Variants in TXNDC11 observed in about 807,000 individuals in gnomAD.
The protein encoded by TXNDC11 is thioredoxin domain-containing protein 11.
Under a neutral mutation model 78.0 loss-of-function variants are expected in TXNDC11, and 68 were observed. The observed-to-expected ratio is 0.87, with a 90% confidence interval of 0.72 to 1.07. TXNDC11 has a LOEUF of 1.07. Ranked by LOEUF, TXNDC11 falls within the 50% of genes least tolerant of loss-of-function variation. The pLI, the probability that TXNDC11 is intolerant of heterozygous loss-of-function variation, is 0.00. For synonymous variants in TXNDC11, 571 were observed against 495.2 expected (o/e 1.15, Z -2.03); for missense variants, 1,389 against 1,221.8 (o/e 1.14, Z -2.04).
chr16:11,726,349 G>T (rs901024867), intron 4 of TXNDC11, among the ~76,000 whole-genome samples: 1 of 152,066 alleles, frequency 6.6e-6, no homozygotes, highest in Admixed American at 6.6e-5. Context: ...TTGGGAGGCC[G>T]AGGCAGGCAG....
At chr16:11,731,675 G>A (rs2141113528) in intron 3 of TXNDC11, among the ~76,000 whole-genome samples, 1 of 149,180 alleles carries the variant, frequency 6.7e-6, no homozygotes, top group South Asian at 2.1e-4. Context: ...CATAATACAT[G>A]GTTACAGAAA....
intron 5 of TXNDC11, among the ~76,000 whole-genome samples, chr16:11,704,864 G>A (rs1040288058): frequency 6.6e-6 from 1 of 151,834 alleles, no homozygotes; most frequent in East Asian, 1.9e-4. Context: ...ATTCAAATGA[G>A]GTCTGCAGTT....
intron 6 of TXNDC11, among the ~76,000 whole-genome samples, chr16:11,699,118 G>C (rs1394934268): frequency 6.6e-6 from 1 of 152,158 alleles, no homozygotes; most frequent in African/African-American, 2.4e-5. Flanking sequence ...GATTTAAATT[G>C]ACTCATAACA....
At chr16:11,733,332 G>A (rs1023100210) in intron 3 of TXNDC11, among the ~76,000 whole-genome samples, 9 of 151,906 alleles carry the variant, frequency 5.9e-5, no homozygotes, top group Non-Finnish European at 1.3e-4. Context: ...TTAGAATTGT[G>A]GACATGGGCG....
intron 1 of TXNDC11, among the ~76,000 whole-genome samples, chr16:11,737,527 C>T (rs904214511): frequency 6.6e-6 from 1 of 151,046 alleles, no homozygotes; most frequent in Non-Finnish European, 1.5e-5. Flanking sequence ...ACAAGGAGCA[C>T]GAAGGTAGAC....
intron 11 of TXNDC11, among the ~76,000 whole-genome samples, chr16:11,682,527 C>G (rs561990741): frequency 6.6e-6 from 1 of 152,178 alleles, no homozygotes; most frequent in Non-Finnish European, 1.5e-5. Flanking sequence ...CCACCTGTTC[C>G]GCCTGTGTCT....
intron 7 of TXNDC11, among the ~76,000 whole-genome samples, chr16:11,696,839 G>A (rs1474943897): frequency 6.6e-6 from 1 of 152,162 alleles, no homozygotes; most frequent in East Asian, 1.9e-4. Flanking sequence ...CAACCCTCTG[G>A]GCAGAGGCTG....
intron 5 of TXNDC11, among the ~76,000 whole-genome samples, chr16:11,707,445 T>A (rs1380989331): frequency 8.1e-6 from 1 of 123,710 alleles, no homozygotes; most frequent in African/African-American, 3.0e-5. Context: ...GTTTCTTTTA[T>A]TTTTCCCAAT....
At chr16:11,702,511 T>C (rs1365092609) in intron 5 of TXNDC11, among the ~76,000 whole-genome samples, 2 of 152,014 alleles carry the variant, frequency 1.3e-5, no homozygotes, top group African/African-American at 4.8e-5. Flanking sequence ...CTACTAAAAA[T>C]ATAAAAATTA....
intron 5 of TXNDC11, among the ~76,000 whole-genome samples, chr16:11,703,140 G>A (rs1332654733): frequency 6.6e-6 from 1 of 152,052 alleles, no homozygotes; most frequent in East Asian, 1.9e-4. Context: ...AACCCAACGT[G>A]GAATACAGCA....
At chr16:11,731,552 A>G (rs2052047364) in intron 3 of TXNDC11, among the ~76,000 whole-genome samples, 2 of 152,204 alleles carry the variant, frequency 1.3e-5, no homozygotes, top group African/African-American at 4.8e-5. Flanking sequence ...GTTATGGTGA[A>G]ATTCAACAAC....
At position 11,691,360 on chromosome 16, in the gene TXNDC11, T is replaced by C. The variant is rs1159609554; in HGVS notation, c.1830A>G (p.Ala610=). Residue 610 remains alanine (A), a synonymous_variant, in exon 8 of 12, where the codon GCA becomes GCG. Transcript: ENST00000283033. ...PSSTQVKEFA[A]IVDVKEESHY... Reference sequence around the variant, plus strand: ...GAGATTCTTCTTTCACGTCAACAATTGCCGCAAATTCTTTCACCTGAGTGG... The same window carrying C: ...GAGATTCTTCTTTCACGTCAACAATCGCCGCAAATTCTTTCACCTGAGTGG... 6.2e-6 allele frequency: 10 copies of C among 1,614,116 alleles called. No homozygotes were observed. The highest frequency in any genetic ancestry group is 6.8e-6 in the Non-Finnish European group (8 of 1,180,050).
At position 11,729,000 on chromosome 16, in the gene TXNDC11, AAATC is replaced by A. The variant is rs57984104; in HGVS notation, c.699+1641_699+1644del. Among the ~76,000 whole-genome samples, 66 of 151,918 alleles carry A rather than the reference AAATC, an allele frequency of 4.3e-4. 1 individual carries two copies. Among genetic ancestry groups the A allele is most frequent in the East Asian group, 1.4e-3 (7 of 5,178 alleles). ...TGGGTAACAGAGTGAGACCATCTCT[AAATC>A]AATCAATCAATCAATCAATCAATCA... On this transcript the variant is annotated intron_variant, in intron 4 of 11. Transcript: ENST00000283033.
intron 5 of TXNDC11, among the ~76,000 whole-genome samples, chr16:11,712,378 C>G (rs1050844355): frequency 2.0e-5 from 3 of 152,148 alleles, no homozygotes; most frequent in African/African-American, 7.2e-5. Context: ...CTCCCACCCC[C>G]CAGCACCCAT....
At chr16:11,729,332 G>A (rs1301127436) in intron 4 of TXNDC11, among the ~76,000 whole-genome samples, 2 of 152,184 alleles carry the variant, frequency 1.3e-5, no homozygotes, top group Non-Finnish European at 2.9e-5. Context: ...GCAGGCCTCT[G>A]AGGTGCACAG....
intron 3 of TXNDC11, among the ~76,000 whole-genome samples, chr16:11,731,167 G>T (rs1470629259): frequency 6.6e-6 from 1 of 152,122 alleles, no homozygotes; most frequent in Non-Finnish European, 1.5e-5. Flanking sequence ...ACAATTCAAC[G>T]CAGGCGGGCA....
At chr16:11,715,946 T>C (rs913560565) in intron 5 of TXNDC11, among the ~76,000 whole-genome samples, 2 of 152,216 alleles carry the variant, frequency 1.3e-5, no homozygotes, top group African/African-American at 4.8e-5. Flanking sequence ...ATAAAGACTA[T>C]TATTTTACTT....
intron 5 of TXNDC11, among the ~76,000 whole-genome samples, chr16:11,712,929 A>AACACACACACACACACACACAC (rs111887849): frequency 1.2e-3 from 172 of 142,080 alleles, no homozygotes; most frequent in Non-Finnish European, 2.2e-3. Context: ...TTCCACTTAA[A>AACACACACACACACACACACAC]ACACACACAC....
intron 5 of TXNDC11, among the ~76,000 whole-genome samples, chr16:11,700,887 T>C (rs930329559): frequency 1.3e-5 from 2 of 152,146 alleles, no homozygotes; most frequent in Non-Finnish European, 2.9e-5. Context: ...GTTCTCTTTG[T>C]CTGGACACTT....
Sources: gnomAD v4.1 joint callset for allele counts (sites outside exome capture counted in the v4.1 genomes callset) on GRCh38, gnomAD v4.1.1 for gene constraint, MANE v1.5 for transcripts, NCBI Gene and HGNC (gene_info 2026-07-23, HGNC 2026-07-21) for gene names.